The following ZNF385D variants were observed in gnomAD, a reference collection of about 807,000 sequenced individuals.
ZNF385D encodes the protein zinc finger protein 659.
ZNF385D carries 15 observed loss-of-function variants against 35.8 expected under a neutral mutation model. That is an observed-to-expected ratio of 0.42 (90% confidence interval 0.28 to 0.64). ZNF385D has a LOEUF of 0.64. Among genes scored for constraint, ZNF385D ranks in the 30% least tolerant of loss-of-function variants. ZNF385D has a pLI of 0.23. For synonymous variants in ZNF385D, 212 were observed against 186.8 expected, an observed-to-expected ratio of 1.13 and a Z score of -1.10; for missense variants, 474 against 494.6, an observed-to-expected ratio of 0.96 and a Z score of 0.39.
At chr3:21,875,212 T>C (rs1368882287) in intron 3 of ZNF385D, among the ~76,000 whole-genome samples, 4 of 152,008 alleles carry the variant, frequency 2.6e-5, no homozygotes, top group African/African-American at 9.7e-5. Flanking sequence ...ATAATTTTAC[T>C]TTCTCCTTTC....
At chr3:21,440,826 A>C (rs9879872) in intron 4 of ZNF385D, among the ~76,000 whole-genome samples, 37,532 of 152,080 alleles carry the variant, frequency 0.25, 5,893 homozygotes, top group African/African-American at 0.44. Flanking sequence ...CATAATCAGA[A>C]AGAAGCTTAA....
intron 3 of ZNF385D, among the ~76,000 whole-genome samples, chr3:21,957,502 C>T (rs1278934496): frequency 6.6e-6 from 1 of 152,028 alleles, no homozygotes; most frequent in Non-Finnish European, 1.5e-5. Flanking sequence ...TCTCAGATGG[C>T]GATGAGGAAC....
At chr3:22,281,566 C>G (rs998846366) in intron 2 of ZNF385D, among the ~76,000 whole-genome samples, 1 of 152,026 alleles carries the variant, frequency 6.6e-6, no homozygotes, top group African/African-American at 2.4e-5. Flanking sequence ...TAAACCATCC[C>G]TGCGCATCCC....
chr3:22,228,834 A>G (rs1698717958), intron 2 of ZNF385D, among the ~76,000 whole-genome samples: 1 of 152,208 alleles, frequency 6.6e-6, no homozygotes, highest in South Asian at 2.1e-4. Flanking sequence ...TCTGACCTTC[A>G]TCTTTTTCCC....
chr3:22,335,146 C>T (rs1411179314), intron 2 of ZNF385D, among the ~76,000 whole-genome samples: 1 of 152,084 alleles, frequency 6.6e-6, no homozygotes. Context: ...AGAAAAGCAG[C>T]CCTTATCTAT....
intron 3 of ZNF385D, among the ~76,000 whole-genome samples, chr3:22,030,473 GAGAGACAC>G (rs1179042481): frequency 2.7e-5 from 4 of 150,364 alleles, no homozygotes; most frequent in African/African-American, 9.8e-5. Flanking sequence ...GAGGGAGAGA[GAGAGACAC>G]AGAGAGAGAA....
chr3:22,027,020 G>A (rs991863027), intron 3 of ZNF385D, among the ~76,000 whole-genome samples: 4 of 152,220 alleles, frequency 2.6e-5, no homozygotes, highest in Non-Finnish European at 5.9e-5. Context: ...TGCAGCCATT[G>A]ACTTGGCAAA....
intron 3 of ZNF385D, among the ~76,000 whole-genome samples, chr3:21,556,075 T>G (rs547623940): frequency 0.03 from 4,381 of 146,796 alleles, 129 homozygotes; most frequent in South Asian, 0.1. Context: ...TTTGTTTTTT[T>G]TTTTTTTTTT....
chr3:21,886,225 A>G (rs1698539202), intron 3 of ZNF385D, among the ~76,000 whole-genome samples: 1 of 152,064 alleles, frequency 6.6e-6, no homozygotes, highest in Admixed American at 6.6e-5. Flanking sequence ...CAGACTGTTT[A>G]TCTTCCCACC....
At chr3:21,792,147 A>G (rs536483072) in intron 3 of ZNF385D, among the ~76,000 whole-genome samples, 1 of 152,330 alleles carries the variant, frequency 6.6e-6, no homozygotes, top group South Asian at 2.1e-4. Flanking sequence ...GTTTTGAGCA[A>G]TTAGTTTTTC....
intron 3 of ZNF385D, among the ~76,000 whole-genome samples, chr3:21,918,250 G>T (rs1002945197): frequency 6.6e-6 from 1 of 152,286 alleles, no homozygotes; most frequent in Admixed American, 6.5e-5. Flanking sequence ...ATGAGTCTTA[G>T]GGCAGGCCTT....
At chr3:21,714,260 T>G (rs552086487) in intron 1 of ZNF385D, among the ~76,000 whole-genome samples, 1 of 152,270 alleles carries the variant, frequency 6.6e-6, no homozygotes, top group East Asian at 1.9e-4. Context: ...TTCCTGACAC[T>G]TACTGAGCAC....
intron 2 of ZNF385D, among the ~76,000 whole-genome samples, chr3:21,652,608 A>G (rs1198688425): frequency 2.0e-5 from 3 of 151,392 alleles, no homozygotes; most frequent in African/African-American, 2.4e-5. Context: ...ATATCTCCCA[A>G]TGCTATCCCT....
intron 3 of ZNF385D, among the ~76,000 whole-genome samples, chr3:22,136,699 T>C (rs1412787618): frequency 2.0e-5 from 3 of 152,244 alleles, no homozygotes; most frequent in South Asian, 4.1e-4. Context: ...TGTCCTTCAA[T>C]AGGAGTATGG....
intron 3 of ZNF385D, among the ~76,000 whole-genome samples, chr3:22,041,646 T>C (rs549427675): frequency 1.3e-5 from 2 of 152,144 alleles, no homozygotes; most frequent in Admixed American, 1.3e-4. Context: ...TTGATCAATG[T>C]ATATTGTTTA....
At chr3:21,759,719 C>T (rs966635351) in intron 3 of ZNF385D, among the ~76,000 whole-genome samples, 4 of 152,042 alleles carry the variant, frequency 2.6e-5, no homozygotes, top group Admixed American at 1.3e-4. Context: ...CAGAGACCCA[C>T]CTCAAATATG....
chr3:21,670,446 A>T (rs1217726182), intron 1 of ZNF385D, among the ~76,000 whole-genome samples: 2 of 151,872 alleles, frequency 1.3e-5, no homozygotes, highest in Non-Finnish European at 2.9e-5. Flanking sequence ...AACTAATTTG[A>T]CATACATGGA....
chr3:22,262,471 T>G (rs921546168), intron 2 of ZNF385D, among the ~76,000 whole-genome samples: 1 of 151,950 alleles, frequency 6.6e-6, no homozygotes, highest in Non-Finnish European at 1.5e-5. Flanking sequence ...ATATTAAGAA[T>G]AAAGAGAAAA....
chr3:21,968,758 G>A (rs1046218191), intron 3 of ZNF385D, among the ~76,000 whole-genome samples: 3 of 152,172 alleles, frequency 2.0e-5, no homozygotes, highest in Non-Finnish European at 4.4e-5. Context: ...GAAACTCAGA[G>A]CTATGCTTGC....
Sources: gnomAD v4.1 joint callset for allele counts (sites outside exome capture counted in the v4.1 genomes callset) on GRCh38, gnomAD v4.1.1 for gene constraint, MANE v1.5 for transcripts, NCBI Gene and HGNC (gene_info 2026-07-23, HGNC 2026-07-21) for gene names.